The following NEDD4L variants were observed in gnomAD, a reference collection of about 807,000 sequenced individuals.
NEDD4L encodes the protein E3 ubiquitin-protein ligase NEDD4-like.
A neutral mutation model predicts 148.9 loss-of-function variants in NEDD4L; 54 were observed. That is an observed-to-expected ratio of 0.36 (90% CI 0.29 to 0.45). NEDD4L has a LOEUF of 0.45. Ranked by LOEUF, NEDD4L falls within the 20% of genes least tolerant of loss-of-function variation. The probability of loss-of-function intolerance (pLI) is 1.00; values close to 1 mark genes in which losing one functional copy is unlikely to be tolerated. For missense variants in NEDD4L, 856 were observed against 1,233.8 expected, an observed-to-expected ratio of 0.69 and a Z score of 4.59; for synonymous variants, 433 against 440.7, an observed-to-expected ratio of 0.98 and a Z score of 0.22.
chr18:58,315,052 T>A (rs2058109835), intron 5 of NEDD4L, among the ~76,000 whole-genome samples: 1 of 152,212 alleles, frequency 6.6e-6, no homozygotes, highest in South Asian at 2.1e-4. Flanking sequence ...TGGCTCAAGC[T>A]GGCTATGGGG....
chr18:58,107,242 T>G (rs2085121566), intron 1 of NEDD4L, among the ~76,000 whole-genome samples: 1 of 152,192 alleles, frequency 6.6e-6, no homozygotes, highest in Admixed American at 6.5e-5. Flanking sequence ...TCCGAGGTAC[T>G]GGGGATTAGG....
intron 16 of NEDD4L, 116 bp downstream of exon 16, chr18:58,343,219 C>A: frequency 2.2e-6 from 2 of 920,084 alleles, no homozygotes; most frequent in Non-Finnish European, 3.1e-6. Flanking sequence ...TAAAGGGTGT[C>A]TCCAGAGGGT....
rs543275250 is a variant in NEDD4L at position 58,329,023 on chromosome 18, A to G, written c.709A>G (p.Ile237Val). 6.2e-7 allele frequency: 1 copy of G among 1,613,972 alleles called. No homozygotes were observed. Among genetic ancestry groups the G allele is most frequent in the African/African-American group, 1.3e-5 (1 of 75,040 alleles). ...CGTGTCCTCGGAGTCGGACAATAAC[A>G]TCAGACAGATCAACCAGGAGGCAGC... ...MDVSSESDNN[I>V]RQINQEAAHR... The change falls in exon 10 of 31, where the codon ATC becomes GTC. Residue 237 changes from isoleucine (I) to valine (V), a missense_variant. By Grantham distance (29) the Ile-to-Val change is conservative. Coordinates refer to ENST00000400345, the MANE Select transcript of NEDD4L (RefSeq NM_001144967.3).
chr18:58,064,234 G>T (rs966096134), intron 1 of NEDD4L, among the ~76,000 whole-genome samples: 7 of 152,132 alleles, frequency 4.6e-5, no homozygotes, highest in Admixed American at 2.0e-4. Context: ...AAAGTGCTGG[G>T]ATTACAGGCG....
Position 58,169,102 on chromosome 18 carries a change from GC to G in NEDD4L, c.122+3245del, listed in dbSNP as rs2037235906. 2.0e-5 allele frequency among the ~76,000 whole-genome samples: 3 copies of G among 152,326 alleles called. No homozygotes were observed. In the South Asian group the frequency reaches 6.2e-4, roughly 32 times the overall value. ...GGGGCCTCTCTCCTAGCTGGAGGTG[GC>G]CCCTTCCCCCTTGAGAGGCCTGTGC... On this transcript the variant is annotated intron_variant, in intron 2 of 30. Coordinates refer to ENST00000400345, the MANE Select transcript of NEDD4L (RefSeq NM_001144967.3).
At chr18:58,244,732 G>A (rs1165421262) in intron 2 of NEDD4L, among the ~76,000 whole-genome samples, 2 of 152,040 alleles carry the variant, frequency 1.3e-5, no homozygotes, top group East Asian at 3.9e-4. Flanking sequence ...GTCTTGCTCT[G>A]TAGCCCAGGC....
chr18:58,064,883 G>T (rs7235890), intron 1 of NEDD4L, among the ~76,000 whole-genome samples: 142,177 of 152,222 alleles, frequency 0.93, 66,543 homozygotes, highest in East Asian at 1. Flanking sequence ...AAAGGATTGC[G>T]TGAGGCCAGG....
At chr18:58,087,060 C>T (rs1568196758) in intron 1 of NEDD4L, among the ~76,000 whole-genome samples, 1 of 152,200 alleles carries the variant, frequency 6.6e-6, no homozygotes, top group Non-Finnish European at 1.5e-5. Context: ...GTGGAGACTG[C>T]TGAAGGACAA....
At chr18:58,141,879 C>T (rs1224741970) in intron 1 of NEDD4L, among the ~76,000 whole-genome samples, 1 of 152,054 alleles carries the variant, frequency 6.6e-6, no homozygotes, top group South Asian at 2.1e-4. Flanking sequence ...TTCCCAGCTA[C>T]TGTCTGACGA....
intron 5 of NEDD4L, among the ~76,000 whole-genome samples, chr18:58,261,577 T>C (rs2148663295): frequency 6.6e-6 from 1 of 152,374 alleles, no homozygotes; most frequent in African/African-American, 2.4e-5. Flanking sequence ...TCTCTAATTT[T>C]ATAATACATA....
intron 7 of NEDD4L, 116 bp from the exon 8 acceptor site, chr18:58,323,116 G>C (rs1472456719): frequency 3.4e-6 from 2 of 592,282 alleles, no homozygotes; most frequent in Admixed American, 2.3e-5. Context: ...TGTGGGTATG[G>C]GTGGGTGGGG....
chr18:58,073,358 T>C (rs2082990220), intron 1 of NEDD4L, among the ~76,000 whole-genome samples: 1 of 152,272 alleles, frequency 6.6e-6, no homozygotes, highest in South Asian at 2.1e-4. Flanking sequence ...GCTACAAATC[T>C]ACAGTTATCA....
At chr18:58,357,761 A>G (rs1290301713) in intron 19 of NEDD4L, among the ~76,000 whole-genome samples, 1 of 152,198 alleles carries the variant, frequency 6.6e-6, no homozygotes, top group African/African-American at 2.4e-5. Flanking sequence ...TGGTCCCCTC[A>G]TATATGCCGG....
At chr18:58,188,719 T>G in intron 2 of NEDD4L, among the ~76,000 whole-genome samples, 1 of 152,266 alleles carries the variant, frequency 6.6e-6, no homozygotes, top group East Asian at 1.9e-4. Context: ...AACATTGTTT[T>G]TGAATAATGG....
At chr18:58,153,387 T>C (rs1004719469) in intron 1 of NEDD4L, among the ~76,000 whole-genome samples, 1 of 149,592 alleles carries the variant, frequency 6.7e-6, no homozygotes, top group East Asian at 2.0e-4. Flanking sequence ...TGGTCCAGGC[T>C]AGAGTGCAGT....
chr18:58,173,489 A>T (rs893513533), intron 2 of NEDD4L, among the ~76,000 whole-genome samples: 1 of 152,156 alleles, frequency 6.6e-6, no homozygotes, highest in African/African-American at 2.4e-5. Flanking sequence ...GCTCAAGGGT[A>T]TTGGAGGGAC....
intron 2 of NEDD4L, among the ~76,000 whole-genome samples, chr18:58,188,403 A>G (rs55828313): frequency 0.24 from 35,841 of 152,156 alleles, 4,755 homozygotes; most frequent in East Asian, 0.39. Flanking sequence ...CTTGGCCTGG[A>G]GTGAGATGTG....
At chr18:58,246,536 C>T (rs2047281917) in intron 3 of NEDD4L, among the ~76,000 whole-genome samples, 1 of 152,186 alleles carries the variant, frequency 6.6e-6, no homozygotes, top group South Asian at 2.1e-4. Flanking sequence ...ATAATCTCAG[C>T]TCACCGCAAC....
At chr18:58,099,242 C>T (rs114730673) in intron 1 of NEDD4L, among the ~76,000 whole-genome samples, 2,466 of 151,802 alleles carry the variant, frequency 0.016, 62 homozygotes, top group African/African-American at 0.056. Flanking sequence ...GCAGTGGTGC[C>T]GTCGTAGCTC....
Sources: allele counts gnomAD v4.1 joint callset (sites outside exome capture counted in the v4.1 genomes callset), GRCh38; gene constraint gnomAD v4.1.1; transcripts MANE v1.5; gene names NCBI Gene and HGNC (gene_info 2026-07-23, HGNC 2026-07-21).